Variants in VPS13C observed in about 807,000 individuals in gnomAD.
VPS13C encodes the protein intermembrane lipid transfer protein VPS13C.
Under a neutral mutation model 456.8 loss-of-function variants are expected in VPS13C, and 358 were observed. The observed-to-expected ratio is 0.78, with a 90% CI of 0.72 to 0.86. The LOEUF (loss-of-function observed/expected upper bound fraction) is 0.86. Ranked by LOEUF, VPS13C falls within the 40% of genes least tolerant of loss-of-function variation. The pLI, the probability that VPS13C is intolerant of heterozygous loss-of-function variation, is 0.00. For missense variants in VPS13C, 4,818 were observed against 4,385.4 expected, an observed-to-expected ratio of 1.10 and a Z score of -2.79; for synonymous variants, 1,578 against 1,486.7, an observed-to-expected ratio of 1.06 and a Z score of -1.41.
chr15:61,976,007 A>T (rs1204950297), intron 24 of VPS13C, among the ~76,000 whole-genome samples: 1 of 152,092 alleles, frequency 6.6e-6, no homozygotes, highest in Non-Finnish European at 1.5e-5. Context: ...TTTCATTCAT[A>T]CCTTGTACAC....
chr15:61,922,171 T>A, intron 54 of VPS13C, 138 bp from the exon 55 acceptor site: 2 of 1,024,204 alleles, frequency 2.0e-6, no homozygotes, highest in Non-Finnish European at 2.8e-6. Flanking sequence ...ATATATAGAG[T>A]GTATTTTCCT....
chr15:61,976,708 CTACT>C (rs1210726199), intron 24 of VPS13C, among the ~76,000 whole-genome samples: 1 of 151,960 alleles, frequency 6.6e-6, no homozygotes, highest in Non-Finnish European at 1.5e-5. Context: ...TCATAACTGT[CTACT>C]TAAATTCAAA....
chr15:61,967,386 C>T lies in VPS13C; in HGVS notation c.2973G>A (p.Leu991=), dbSNP rs769932639. 16 of 1,606,622 alleles carry T rather than the reference C, an allele frequency of 1.0e-5. No homozygotes were observed. Among genetic ancestry groups the T allele is most frequent in the Non-Finnish European group, 1.4e-5 (16 of 1,176,328 alleles). The change falls in exon 29 of 85, where the codon TTG becomes TTA. Residue 991 remains leucine, a synonymous_variant. Coordinates refer to ENST00000644861, the MANE Select transcript of VPS13C (RefSeq NM_020821.3). ...SSSDKPGLDL[L]KVEYIKADKN... is the part of the protein sequence containing the mutation. ...CCCTTACCTTAATATACTCCACTTTCAAAAGATCTAATCCAGGTTTGTCAG... is the reference window on the plus strand; with the variant it reads ...CCCTTACCTTAATATACTCCACTTTTAAAAGATCTAATCCAGGTTTGTCAG...
chr15:61,913,441 T>A, intron 61 of VPS13C, 26 bp from the exon 62 acceptor site: 2 of 1,576,522 alleles, frequency 1.3e-6, no homozygotes, highest in Non-Finnish European at 1.7e-6. Flanking sequence ...CATATCGTCA[T>A]ATAAGAAATC....
chr15:62,001,969 C>T (rs1401741917), intron 15 of VPS13C, among the ~76,000 whole-genome samples: 1 of 152,126 alleles, frequency 6.6e-6, no homozygotes, highest in Admixed American at 6.5e-5. Flanking sequence ...AATAATGCCG[C>T]AATAAACATA....
Position 61,936,674 on chromosome 15 carries a change from G to C in VPS13C, c.5678C>G (p.Pro1893Arg). Residue 1893 changes from proline (P) to arginine (R), a missense_variant, in exon 48 of 85, where the codon CCA becomes CGA. Transcript: ENST00000644861. The part of the protein sequence containing the change: ...LENLGEASSQ[P>R]SPTQSVQETV... ...CTCCTGCACAGACTGTGTAGGGCTT[G>C]GTTGTGAGGAAGCTTCTCCAAGATT... 1 of 1,613,350 alleles carries C rather than the reference G, an allele frequency of 6.2e-7. No homozygotes were observed. The highest frequency in any genetic ancestry group is 1.6e-4 in the Middle Eastern group (1 of 6,062).
intron 9 of VPS13C, among the ~76,000 whole-genome samples, chr15:62,015,687 A>G (rs369310004): frequency 0.053 from 7,142 of 135,452 alleles, 293 homozygotes; most frequent in East Asian, 0.2. Flanking sequence ...CAAAAAACCA[A>G]ACACCGCATA....
intron 26 of VPS13C, 133 bp from the exon 27 acceptor site, chr15:61,972,897 G>A (rs796357947): frequency 2.0e-6 from 2 of 978,016 alleles, no homozygotes; most frequent in South Asian, 2.2e-5. Context: ...CAGAATAGCT[G>A]CCTTTTTTAA....
chr15:61,952,089 T>C (rs2044819563), intron 38 of VPS13C, 109 bp from the exon 39 acceptor site: 3 of 1,217,038 alleles, frequency 2.5e-6, no homozygotes, highest in South Asian at 1.6e-5. Flanking sequence ...ATTCACACAA[T>C]GTTAAGATGT....
intron 9 of VPS13C, among the ~76,000 whole-genome samples, chr15:62,018,969 G>C (rs890009243): frequency 3.3e-5 from 5 of 152,280 alleles, no homozygotes; most frequent in Admixed American, 2.6e-4. Flanking sequence ...TTCAGAGCCT[G>C]TTATTGATCT....
intron 61 of VPS13C, among the ~76,000 whole-genome samples, chr15:61,914,791 C>G (rs1017103281): frequency 7.4e-5 from 11 of 148,852 alleles, no homozygotes; most frequent in Admixed American, 1.3e-4. Context: ...AAACTCCTGA[C>G]CTCAGGTGAT....
At chr15:61,901,508 A>G (rs1246918351) in intron 66 of VPS13C, among the ~76,000 whole-genome samples, 1 of 152,234 alleles carries the variant, frequency 6.6e-6, no homozygotes, top group Non-Finnish European at 1.5e-5. Context: ...AACACATGAA[A>G]AAATGCTCAT....
At chr15:61,959,902 G>A (rs1227530671) in intron 35 of VPS13C, among the ~76,000 whole-genome samples, 2 of 152,134 alleles carry the variant, frequency 1.3e-5, no homozygotes, top group Admixed American at 6.6e-5. Flanking sequence ...ATATACAGTT[G>A]TTCAAGGATT....
chr15:62,014,510 T>C lies in VPS13C; in HGVS notation c.685-518A>G, dbSNP rs572124568. ...GTAGAGTGAGAGTACAGTGAGCACA[T>C]AGGTAAAATGAGATCCAGATCAGAG... On this transcript the variant is annotated intron_variant, in intron 9 of 84. Transcript: ENST00000644861. Among the ~76,000 whole-genome samples the C allele has an allele frequency of 7.8e-4, 119 of 152,158 alleles. 1 individual carries two copies. Among genetic ancestry groups the C allele is most frequent in the Admixed American group, 7.3e-3 (111 of 15,266 alleles).
intron 45 of VPS13C, among the ~76,000 whole-genome samples, chr15:61,942,712 G>C (rs1345197423): frequency 6.6e-6 from 1 of 151,890 alleles, no homozygotes; most frequent in Non-Finnish European, 1.5e-5. Flanking sequence ...ATTCTCAGAA[G>C]CAATATTCTT....
At chr15:61,960,929 A>C (rs60423191) in intron 35 of VPS13C, among the ~76,000 whole-genome samples, 2,070 of 151,722 alleles carry the variant, frequency 0.014, 47 homozygotes, top group African/African-American at 0.048. Flanking sequence ...AAATACAAAA[A>C]AATTAGCCAG....
In VPS13C at chr15:61,949,540, T is replaced by TA; in HGVS notation, c.4661dup (p.Leu1554PhefsTer9). ...GCTCAGAGAATGGAGCAGCAGATGATAAAAAATCCATGAAGGAAAGTAAAG... is the reference window on the plus strand; with the variant it reads ...GCTCAGAGAATGGAGCAGCAGATGATAAAAAAATCCATGAAGGAAAGTAAAG... On this transcript the variant is annotated frameshift_variant, in exon 42 of 85. Coordinates refer to ENST00000644861, the MANE Select transcript of VPS13C (RefSeq NM_020821.3). LOFTEE classifies it high-confidence loss of function. 2.5e-6 allele frequency: 4 copies of TA among 1,612,890 alleles called. No individual in the cohort carries two copies. The highest frequency in any genetic ancestry group is 3.4e-6 in the Non-Finnish European group (4 of 1,179,752).
intron 46 of VPS13C, 103 bp downstream of exon 46, chr15:61,941,660 A>G: frequency 8.1e-7 from 1 of 1,236,850 alleles, no homozygotes; most frequent in Non-Finnish European, 1.1e-6. Flanking sequence ...AGAAGAAATA[A>G]GGAATGAAAA....
chr15:61,981,505 T>C (rs747352205), intron 21 of VPS13C, 27 bp from the exon 22 acceptor site: 2 of 1,552,854 alleles, frequency 1.3e-6, no homozygotes, highest in Non-Finnish European at 1.7e-6. Context: ...TAATGACAGA[T>C]TAGATGGTCA....
Sources: gnomAD v4.1 joint callset for allele counts (sites outside exome capture counted in the v4.1 genomes callset) on GRCh38, gnomAD v4.1.1 for gene constraint, MANE v1.5 for transcripts, NCBI Gene and HGNC (gene_info 2026-07-23, HGNC 2026-07-21) for gene names.